Variants in STK17B observed in about 807,000 individuals in gnomAD.
The protein encoded by STK17B is serine/threonine-protein kinase 17B.
In STK17B, 21 loss-of-function variants were observed where a neutral mutation model predicts 42.0. The ratio of observed to expected loss-of-function variants is 0.50; its 90% confidence interval spans 0.35 to 0.72. The LOEUF is 0.72. STK17B is among the 30% of genes least tolerant of loss of function. STK17B has a pLI of 0.00. For synonymous variants in STK17B, 143 were observed against 148.4 expected, an observed-to-expected ratio of 0.96 and a Z score of 0.26; for missense variants, 349 against 446.0, an observed-to-expected ratio of 0.78 and a Z score of 1.96.
At chr2:196,145,407 G>A (rs1699558549) in intron 4 of STK17B, among the ~76,000 whole-genome samples, 1 of 152,184 alleles carries the variant, frequency 6.6e-6, no homozygotes, top group Non-Finnish European at 1.5e-5. Flanking sequence ...AACAACATGA[G>A]AGATGGAGAT....
intron 7 of STK17B, among the ~76,000 whole-genome samples, chr2:196,138,320 A>C (rs1291595971): frequency 3.9e-5 from 6 of 152,224 alleles, no homozygotes; most frequent in Non-Finnish European, 7.3e-5. Flanking sequence ...TTTCCACATC[A>C]GTACAGAGTT....
intron 2 of STK17B, among the ~76,000 whole-genome samples, chr2:196,162,938 C>A (rs1312088480): frequency 2.6e-5 from 4 of 152,088 alleles, no homozygotes; most frequent in Non-Finnish European, 5.9e-5. Context: ...AAGTCACACA[C>A]CTAGTAACTG....
At chr2:196,156,977 C>A (rs757814153) in intron 2 of STK17B, among the ~76,000 whole-genome samples, 8 of 152,010 alleles carry the variant, frequency 5.3e-5, no homozygotes, top group Non-Finnish European at 1.2e-4. Flanking sequence ...CCAGCCTGGC[C>A]AACATGGCAA....
At chr2:196,153,590 A>G (rs552308014) in intron 3 of STK17B, 1 of 152,250 alleles carries the variant, frequency 6.6e-6, no homozygotes, top group South Asian at 2.1e-4. Flanking sequence ...TCTAAATGCT[A>G]TTCCCCACTT....
intron 3 of STK17B, among the ~76,000 whole-genome samples, chr2:196,155,415 C>A (rs1699725016): frequency 6.6e-6 from 1 of 152,114 alleles, no homozygotes; most frequent in South Asian, 2.1e-4. Flanking sequence ...CATTTTCATT[C>A]ACAAGTTGAT....
intron 1 of STK17B, chr2:196,170,743 G>T (rs907492805): frequency 6.6e-6 from 1 of 152,258 alleles, no homozygotes; most frequent in Non-Finnish European, 1.5e-5. Context: ...GAAAATCACG[G>T]AAACAGCTGT....
chr2:196,148,556 T>G (rs1699615340), intron 3 of STK17B, among the ~76,000 whole-genome samples: 1 of 152,214 alleles, frequency 6.6e-6, no homozygotes, highest in South Asian at 2.1e-4. Flanking sequence ...ATATAAATAC[T>G]GATAATCTAG....
At chr2:196,146,244 T>C (rs1349274464) in intron 3 of STK17B, among the ~76,000 whole-genome samples, 189 bp from the exon 4 acceptor site, 1 of 152,142 alleles carries the variant, frequency 6.6e-6, no homozygotes, top group Admixed American at 6.6e-5. Flanking sequence ...CGGTGGCTCA[T>C]GTCTGTAATA....
upstream of STK17B, among the ~76,000 whole-genome samples, chr2:196,172,236 C>T (rs1384850315): frequency 6.6e-6 from 1 of 150,456 alleles, no homozygotes; most frequent in Non-Finnish European, 1.5e-5. Context: ...GGCTGAATAG[C>T]CGATTTTGCA....
At chr2:196,140,885 A>G (rs551950524) in intron 6 of STK17B, among the ~76,000 whole-genome samples, 8 of 152,230 alleles carry the variant, frequency 5.3e-5, no homozygotes, top group African/African-American at 1.9e-4. Context: ...CCTAGATCAG[A>G]TGTCTCCCTT....
rs777709836 is a variant in STK17B, at chr2:196,139,625, A to C, written c.831T>G (p.Asn277Lys). 7.3e-7 allele frequency: 1 copy of C among 1,372,552 alleles called. No homozygotes were observed. The highest frequency in any genetic ancestry group is 2.8e-5 in the Admixed American group (1 of 35,370). The allele number at this position is 1,372,552 out of a possible 1,614,324, so 85.0% of individuals were successfully genotyped here. A position where few individuals can be genotyped will look rare whatever the true frequency, so the allele number is the denominator to read the frequency against. ...TTAAACAAATTATTACTTACTCTGG[A>C]TTTTTTACTAAAAGGCTCTGAATAA... is the stretch of plus-strand genomic sequence containing the variant. The part of the protein sequence containing the change: ...TDFIQSLLVK[N>K]PEKRPTAEIC... The change falls in exon 7 of 8, where the codon AAT (asparagine) becomes AAG (lysine). Residue 277 changes from asparagine to lysine, a missense_variant. Around this residue, in one of 3 missense-constraint regions of STK17B, gnomAD observed 256 missense variants for 347.7 expected, o/e 0.74. Coordinates refer to ENST00000263955, the MANE Select transcript of STK17B (RefSeq NM_004226.4).
rs570454504 is a variant in STK17B, at chr2:196,149,416, G to A, written c.336-3361C>T. On this transcript the variant is annotated intron_variant, in intron 3 of 7. Coordinates refer to ENST00000263955, the MANE Select transcript of STK17B (RefSeq NM_004226.4). ...CCTGACCTCGTGATCCGCCCGCCTC[G>A]GCCTCCCAAAGTGCTGTGATTACAG... Among the ~76,000 whole-genome samples the A allele has an allele frequency of 1.4e-3, 219 of 152,054 alleles. 1 individual carries two copies. Among genetic ancestry groups the A allele is most frequent in the Non-Finnish European group, 1.8e-3 (125 of 67,970 alleles).
intron 2 of STK17B, among the ~76,000 whole-genome samples, chr2:196,161,879 C>T (rs1699816714): frequency 6.6e-6 from 1 of 152,002 alleles, no homozygotes; most frequent in Non-Finnish European, 1.5e-5. Flanking sequence ...GTGAAAAAGC[C>T]AGGACTTGCC....
chr2:196,169,890 G>GAA (rs59209981), intron 1 of STK17B, among the ~76,000 whole-genome samples: 1 of 140,128 alleles, frequency 7.1e-6, no homozygotes, highest in Admixed American at 7.0e-5. Flanking sequence ...CCCTACTTTA[G>GAA]AAAAAAAAAA....
At chr2:196,172,605 C>G (rs1002330970), upstream of STK17B, among the ~76,000 whole-genome samples, 1 of 152,206 alleles carries the variant, frequency 6.6e-6, no homozygotes, top group African/African-American at 2.4e-5. Context: ...GTGAAGCTAG[C>G]TGTTTCCCTT....
intron 2 of STK17B, 43 bp downstream of exon 2, chr2:196,163,219 A>C: frequency 6.3e-7 from 1 of 1,598,082 alleles, no homozygotes; most frequent in Non-Finnish European, 8.5e-7. Flanking sequence ...CACAAATCCA[A>C]AATTTGAATT....
At chr2:196,148,961 G>T (rs546378122) in intron 3 of STK17B, among the ~76,000 whole-genome samples, 3 of 152,168 alleles carry the variant, frequency 2.0e-5, no homozygotes, top group African/African-American at 7.2e-5. Flanking sequence ...ACTAGGCTAG[G>T]TGAACTGGGA....
At position 196,139,524 on chromosome 2, in the gene STK17B, T is replaced by C. The variant is rs1037446083; in HGVS notation, c.836+96A>G. The C allele has an allele frequency of 1.9e-5, 15 of 794,746 alleles. No homozygotes were observed. The African/African-American group carries it at 2.0e-4, about 11-fold the overall frequency. The allele number at this position is 794,746 out of a possible 1,614,324, so 49.2% of individuals were successfully genotyped here. A position where few individuals can be genotyped will look rare whatever the true frequency, so the allele number is the denominator to read the frequency against. On this transcript the variant is annotated intron_variant, in intron 7 of 7. Coordinates refer to ENST00000263955, the MANE Select transcript of STK17B (RefSeq NM_004226.4). ...TATTTCTAATAATTTTATACTATTTTAGAATATACTTTCTTAATAGGTATA... is the reference window on the plus strand; with the variant it reads ...TATTTCTAATAATTTTATACTATTTCAGAATATACTTTCTTAATAGGTATA...
At chr2:196,171,857 G>A (rs925537904), upstream of STK17B, among the ~76,000 whole-genome samples, 9 of 151,686 alleles carry the variant, frequency 5.9e-5, no homozygotes, top group African/African-American at 2.2e-4. Flanking sequence ...TGCAGAGGGG[G>A]CGCGCGGGGC....
Sources: gnomAD v4.1 joint callset for allele counts (sites outside exome capture counted in the v4.1 genomes callset) on GRCh38, gnomAD v4.1.1 for gene constraint, gnomAD v4.1.1 regional missense constraint, MANE v1.5 for transcripts, NCBI Gene and HGNC (gene_info 2026-07-23, HGNC 2026-07-21) for gene names.